NEO1: variants seen among roughly 807,000 people sequenced by gnomAD.
The protein encoded by NEO1 is neogenin 1, also known as neogenin.
A neutral mutation model predicts 159.7 loss-of-function variants in NEO1; 63 were observed. The ratio of observed to expected loss-of-function variants is 0.39; its 90% CI spans 0.32 to 0.49. The LOEUF is 0.49. Ranked by LOEUF, NEO1 falls within the 20% of genes least tolerant of loss-of-function variation. The pLI, the probability that NEO1 is intolerant of heterozygous loss-of-function variation, is 0.85. For synonymous variants in NEO1, 633 were observed against 662.0 expected, an observed-to-expected ratio of 0.96 and a Z score of 0.67; for missense variants, 1,615 against 1,831.0, an observed-to-expected ratio of 0.88 and a Z score of 2.15.
chr15:73,252,453 G>A (rs1312050869), intron 11 of NEO1, among the ~76,000 whole-genome samples: 3 of 152,152 alleles, frequency 2.0e-5, no homozygotes, highest in Non-Finnish European at 4.4e-5. Flanking sequence ...ATCTAAATGA[G>A]TATTTTCTGG....
chr15:73,249,575 T>A lies in NEO1; in HGVS notation c.1756-8T>A, dbSNP rs1347190732. The A allele has an allele frequency of 6.3e-7, 1 of 1,589,886 alleles. No homozygotes were observed. Among genetic ancestry groups the A allele is most frequent in the African/African-American group, 1.4e-5 (1 of 73,454 alleles). ...TGCATATGTATAAAGTGTTTTATTT[T>A]ATTCAAGGATGTTGATGTTTCAAGT... On this transcript the variant is annotated splice_polypyrimidine_tract_variant and splice_region_variant and intron_variant, in intron 10 of 28. Coordinates refer to ENST00000261908, the MANE Select transcript of NEO1 (RefSeq NM_002499.4).
intron 13 of NEO1, among the ~76,000 whole-genome samples, 176 bp downstream of exon 13, chr15:73,255,005 T>G (rs937558332): frequency 5.3e-5 from 8 of 152,252 alleles, no homozygotes; most frequent in African/African-American, 1.7e-4. Flanking sequence ...GAAAACACTC[T>G]TAAAGGTTCT....
intron 1 of NEO1, among the ~76,000 whole-genome samples, chr15:73,094,715 C>T (rs566893224): frequency 3.9e-4 from 59 of 152,258 alleles, no homozygotes; most frequent in African/African-American, 1.4e-3. Flanking sequence ...CTGGTTGCTT[C>T]CCCATGGTGT....
chr15:73,222,434 T>C (rs1410865011), intron 7 of NEO1, among the ~76,000 whole-genome samples: 1 of 152,038 alleles, frequency 6.6e-6, no homozygotes, highest in Non-Finnish European at 1.5e-5. Flanking sequence ...TCAATCTCGC[T>C]GCTTGTTATT....
At chr15:73,250,767 T>C (rs931888859) in intron 11 of NEO1, among the ~76,000 whole-genome samples, 2 of 152,050 alleles carry the variant, frequency 1.3e-5, no homozygotes, top group African/African-American at 4.8e-5. Flanking sequence ...ACACATGAAA[T>C]AAAATATGTA....
chr15:73,131,425 A>T (rs1236073554), intron 4 of NEO1, among the ~76,000 whole-genome samples: 1 of 152,178 alleles, frequency 6.6e-6, no homozygotes, highest in Non-Finnish European at 1.5e-5. Flanking sequence ...AACTAAATTA[A>T]ACAGTTTTCT....
At chr15:73,235,024 T>G (rs1365768853) in intron 7 of NEO1, among the ~76,000 whole-genome samples, 1 of 152,200 alleles carries the variant, frequency 6.6e-6, no homozygotes. Flanking sequence ...ATATGTAAGG[T>G]ATTCAAGAAG....
chr15:73,276,965 TCTA>T (rs531645104), intron 21 of NEO1, among the ~76,000 whole-genome samples: 78 of 152,354 alleles, frequency 5.1e-4, no homozygotes, highest in Non-Finnish European at 9.4e-4. Context: ...TTATGGAACA[TCTA>T]CTATGTGTCA....
rs568970716 is a variant in NEO1, at chr15:73,187,245, T to C, written c.1291+8818T>C. On this transcript the variant is annotated intron_variant, in intron 7 of 28. Coordinates refer to ENST00000261908, the MANE Select transcript of NEO1 (RefSeq NM_002499.4). ...TCAGATAGTGATCACAGAGATATGT[T>C]AGTAAACTATCTGTAGTTTGTAGTT... Among the ~76,000 whole-genome samples the C allele has an allele frequency of 3.3e-5, 5 of 152,324 alleles. No homozygotes were observed. In the South Asian group the frequency reaches 1.0e-3, roughly 32 times the overall value.
At chr15:73,055,288 A>G (rs1406733760) in intron 1 of NEO1, among the ~76,000 whole-genome samples, 1 of 152,106 alleles carries the variant, frequency 6.6e-6, no homozygotes, top group Non-Finnish European at 1.5e-5. Context: ...TGCCTGAACC[A>G]TTTATTTCAT....
At chr15:73,217,882 A>T (rs1301263318) in intron 7 of NEO1, among the ~76,000 whole-genome samples, 2 of 152,016 alleles carry the variant, frequency 1.3e-5, no homozygotes, top group African/African-American at 2.4e-5. Flanking sequence ...ACAGGGACAA[A>T]TTGACTTCCT....
rs897389090 is a variant in NEO1 at position 73,302,767 on chromosome 15, T to C, written c.*71T>C. 3.6e-6 allele frequency: 5 copies of C among 1,384,638 alleles called. No individual in the cohort carries two copies. In the Admixed American group the frequency reaches 7.3e-5, roughly 20 times the overall value. The allele number at this position is 1,384,638 out of a possible 1,614,324, so 85.8% of individuals were successfully genotyped here. ...GGAACTTACCCTTGAAAACAAGGAA[T>C]TGTACAGAGTACGAGAGGACAGCAC... On this transcript the variant is annotated 3_prime_UTR_variant, in exon 29 of 29. Coordinates refer to ENST00000261908, the MANE Select transcript of NEO1 (RefSeq NM_002499.4).
At chr15:73,223,209 T>C (rs139930322) in intron 7 of NEO1, among the ~76,000 whole-genome samples, 2 of 152,244 alleles carry the variant, frequency 1.3e-5, no homozygotes, top group African/African-American at 2.4e-5. Context: ...CTTTATGGCC[T>C]ATCATGGAGA....
chr15:73,274,134 G>A, intron 20 of NEO1, 129 bp downstream of exon 20: 1 of 905,120 alleles, frequency 1.1e-6, no homozygotes, highest in Non-Finnish European at 1.6e-6. Flanking sequence ...GAGCCATGAT[G>A]TGAAGATTTA....
intron 5 of NEO1, among the ~76,000 whole-genome samples, chr15:73,166,993 G>A (rs1464509258): frequency 6.6e-6 from 1 of 151,872 alleles, no homozygotes; most frequent in East Asian, 1.9e-4. Context: ...GATGAAGCTG[G>A]AAACCATCAT....
At chr15:73,226,576 C>G (rs2038603894) in intron 7 of NEO1, among the ~76,000 whole-genome samples, 1 of 152,130 alleles carries the variant, frequency 6.6e-6, no homozygotes, top group African/African-American at 2.4e-5. Flanking sequence ...TTGTTGTTCT[C>G]TTTTTTATTT....
chr15:73,271,796 A>G (rs1282737041), intron 18 of NEO1, among the ~76,000 whole-genome samples: 1 of 151,188 alleles, frequency 6.6e-6, no homozygotes, highest in Non-Finnish European at 1.5e-5. Flanking sequence ...AATCCCAGCT[A>G]CTCGGTAGGC....
chr15:73,116,858 G>T lies in NEO1; in HGVS notation c.448+1G>T. On this transcript the variant is annotated splice_donor_variant, in intron 2 of 28. Coordinates refer to ENST00000261908, the MANE Select transcript of NEO1 (RefSeq NM_002499.4). LOFTEE classifies it high-confidence loss of function. ...AGAACAGCGAAGCTCATAGTAGCAGGTAAGTTTTAAGTGATTTTTTTTTTT... is the reference window on the plus strand; with the variant it reads ...AGAACAGCGAAGCTCATAGTAGCAGTTAAGTTTTAAGTGATTTTTTTTTTT... 6.6e-7 allele frequency: 1 copy of T among 1,506,688 alleles called. No individual in the cohort carries two copies. The highest frequency in any genetic ancestry group is 8.8e-7 in the Non-Finnish European group (1 of 1,135,810). 93.3% of individuals were successfully genotyped at this position (1,506,688 alleles called of 1,614,324 possible).
chr15:73,116,353 C>G (rs886507259), intron 1 of NEO1, among the ~76,000 whole-genome samples, 187 bp from the exon 2 acceptor site: 1 of 152,008 alleles, frequency 6.6e-6, no homozygotes, highest in Admixed American at 6.6e-5. Context: ...TTCTAAATGG[C>G]TCAAAGTTTG....
Sources: allele counts gnomAD v4.1 joint callset (sites outside exome capture counted in the v4.1 genomes callset), GRCh38; gene constraint gnomAD v4.1.1; transcripts MANE v1.5; gene names NCBI Gene and HGNC (gene_info 2026-07-23, HGNC 2026-07-21).